MARK2: variants seen among roughly 807,000 people sequenced by gnomAD.
The protein encoded by MARK2 is serine/threonine-protein kinase MARK2.
Under a neutral mutation model 89.8 loss-of-function variants are expected in MARK2, and 16 were observed. The observed-to-expected ratio is 0.18, with a 90% CI of 0.12 to 0.27. MARK2 has a LOEUF of 0.27. Ranked by LOEUF, MARK2 falls within the 10% of genes least tolerant of loss-of-function variation. The pLI, the probability that MARK2 is intolerant of heterozygous loss-of-function variation, is 1.00. For missense variants in MARK2, 621 were observed against 1,049.9 expected, an observed-to-expected ratio of 0.59 and a Z score of 5.65; for synonymous variants, 382 against 399.5, an observed-to-expected ratio of 0.96 and a Z score of 0.52.
intron 16 of MARK2, 121 bp downstream of exon 16, chr11:63,905,164 T>G: frequency 1.7e-6 from 2 of 1,157,796 alleles, no homozygotes; most frequent in Non-Finnish European, 2.4e-6. Flanking sequence ...GGTCCTGGGG[T>G]TAGAAGAGGC....
intron 1 of MARK2, among the ~76,000 whole-genome samples, chr11:63,887,623 C>G (rs77471989): frequency 6.6e-6 from 1 of 152,186 alleles, no homozygotes; most frequent in Admixed American, 6.5e-5. Flanking sequence ...CACGGAGTTC[C>G]TTAATGAGAG....
chr11:63,841,775 G>A (rs2016031679), intron 1 of MARK2, among the ~76,000 whole-genome samples: 1 of 152,236 alleles, frequency 6.6e-6, no homozygotes, highest in South Asian at 2.1e-4. Flanking sequence ...GACTGCCTCA[G>A]TGTGGTTTCT....
In MARK2 at chr11:63,909,229, A is replaced by G; in HGVS notation, c.2359A>G (p.Lys787Glu). Reference protein sequence around the residue: ...NIASKIANELKL With the variant: ...NIASKIANELEL ...TGCCTCCAAAATAGCCAACGAGCTG[A>G]AGCTTTAACAGGCTGCCAGGAGCGG... The change falls in exon 19 of 19, where the codon AAG becomes GAG. Residue 787 changes from lysine (K) to glutamate (E), a missense_variant. Physicochemically the swap from Lys to Glu is moderately conservative, Grantham distance 56. Transcript: ENST00000402010. The G allele has an allele frequency of 6.3e-7, 1 of 1,587,108 alleles. No individual in the cohort carries two copies. The highest frequency in any genetic ancestry group is 8.6e-7 in the Non-Finnish European group (1 of 1,158,428).
intron 1 of MARK2, among the ~76,000 whole-genome samples, chr11:63,887,425 G>C (rs1323344599): frequency 6.6e-6 from 1 of 152,232 alleles, no homozygotes; most frequent in Admixed American, 6.5e-5. Context: ...AAAACAAAGT[G>C]TAAGCGCTGG....
chr11:63,870,360 G>A (rs777010575), intron 1 of MARK2, among the ~76,000 whole-genome samples: 9 of 152,148 alleles, frequency 5.9e-5, no homozygotes, highest in African/African-American at 1.2e-4. Flanking sequence ...GACATGAGCC[G>A]TGGCGCCCGG....
intron 7 of MARK2, 143 bp downstream of exon 7, chr11:63,899,251 T>A: frequency 2.4e-6 from 1 of 422,906 alleles, no homozygotes; most frequent in Non-Finnish European, 3.9e-6. Context: ...CTTTCTTTCT[T>A]TTTTTTTTTT....
At chr11:63,888,789 G>T (rs1291557369) in intron 1 of MARK2, 2 of 1,259,336 alleles carry the variant, frequency 1.6e-6, no homozygotes, top group East Asian at 5.7e-5. Flanking sequence ...CACTGAGGAG[G>T]TGGTGGAAGG....
At chr11:63,859,453 T>A (rs897678237) in intron 1 of MARK2, among the ~76,000 whole-genome samples, 12 of 151,944 alleles carry the variant, frequency 7.9e-5, no homozygotes, top group African/African-American at 2.7e-4. Context: ...CCTGAGTAGC[T>A]GGGATTGCAG....
intron 1 of MARK2, among the ~76,000 whole-genome samples, chr11:63,842,814 C>G (rs559341485): frequency 9.9e-5 from 15 of 152,224 alleles, no homozygotes; most frequent in African/African-American, 3.1e-4. Context: ...CACTGGTTGT[C>G]TCCAGTCTCT....
At chr11:63,861,295 G>T (rs753561066) in intron 1 of MARK2, among the ~76,000 whole-genome samples, 1 of 152,126 alleles carries the variant, frequency 6.6e-6, no homozygotes, top group Non-Finnish European at 1.5e-5. Flanking sequence ...ACGTAGCCAG[G>T]CGTGGTGGTG....
intron 1 of MARK2, among the ~76,000 whole-genome samples, chr11:63,842,601 C>T (rs1355967294): frequency 6.6e-6 from 1 of 152,106 alleles, no homozygotes; most frequent in Non-Finnish European, 1.5e-5. Flanking sequence ...GAGAATAGAT[C>T]ATGCCACCAA....
At chr11:63,872,183 C>T (rs1231983669) in intron 1 of MARK2, among the ~76,000 whole-genome samples, 11 of 152,214 alleles carry the variant, frequency 7.2e-5, no homozygotes, top group Admixed American at 7.2e-4. Context: ...AACAGCACCT[C>T]TCTGTGGCAG....
chr11:63,893,228 A>G (rs1194663300), intron 1 of MARK2, among the ~76,000 whole-genome samples: 2 of 150,758 alleles, frequency 1.3e-5, no homozygotes, highest in Non-Finnish European at 2.9e-5. Flanking sequence ...TATGTTGCCC[A>G]GGCTCGTCTC....
intron 1 of MARK2, among the ~76,000 whole-genome samples, chr11:63,880,550 C>T (rs1939025941): frequency 6.6e-6 from 1 of 152,200 alleles, no homozygotes; most frequent in Non-Finnish European, 1.5e-5. Flanking sequence ...TTCATTGTCA[C>T]AGCAAGACAC....
intron 1 of MARK2, among the ~76,000 whole-genome samples, chr11:63,846,428 T>C (rs1590959477): frequency 6.6e-6 from 1 of 151,790 alleles, no homozygotes. Flanking sequence ...CGATCTCAGC[T>C]CACTGCAACC....
chr11:63,845,050 T>A (rs568151023), intron 1 of MARK2, among the ~76,000 whole-genome samples: 1 of 151,982 alleles, frequency 6.6e-6, no homozygotes, highest in Non-Finnish European at 1.5e-5. Context: ...CTAAATGGAC[T>A]CCCCCCAGCA....
At chr11:63,865,227 A>G (rs1338828449) in intron 1 of MARK2, among the ~76,000 whole-genome samples, 3 of 152,174 alleles carry the variant, frequency 2.0e-5, no homozygotes, top group Non-Finnish European at 2.9e-5. Flanking sequence ...AAACTACTTT[A>G]GAACCCATCT....
intron 1 of MARK2, among the ~76,000 whole-genome samples, chr11:63,878,190 A>T (rs1444184271): frequency 6.6e-6 from 1 of 151,982 alleles, no homozygotes; most frequent in Non-Finnish European, 1.5e-5. Context: ...AAGTTGTTCT[A>T]CCCAGTCTTC....
chr11:63,887,511 T>C (rs1263853732), intron 1 of MARK2, among the ~76,000 whole-genome samples: 5 of 152,244 alleles, frequency 3.3e-5, no homozygotes, highest in African/African-American at 1.2e-4. Context: ...TGGCCACTCC[T>C]GAGTAGCATG....
Sources: gnomAD v4.1 joint callset for allele counts (sites outside exome capture counted in the v4.1 genomes callset) on GRCh38, gnomAD v4.1.1 for gene constraint, MANE v1.5 for transcripts, NCBI Gene and HGNC (gene_info 2026-07-23, HGNC 2026-07-21) for gene names.